Variants in THUMPD1 observed in about 807,000 individuals in gnomAD.
THUMPD1 encodes the protein THUMP domain 1 NAT10 acetyltransferase adaptor.
In THUMPD1, 31 loss-of-function variants were observed where a neutral mutation model predicts 31.6. The ratio of observed to expected loss-of-function variants is 0.98; its 90% CI spans 0.74 to 1.32. THUMPD1 has a LOEUF of 1.32. THUMPD1 is among the 40% of genes most tolerant of loss of function. The probability of loss-of-function intolerance (pLI) is 0.00; values close to 1 mark genes in which losing one functional copy is unlikely to be tolerated. For synonymous variants in THUMPD1, 166 were observed against 158.2 expected, an observed-to-expected ratio of 1.05 and a Z score of -0.37; for missense variants, 446 against 427.8, an observed-to-expected ratio of 1.04 and a Z score of -0.38.
rs1302428219 is a variant in THUMPD1, at chr16:20,735,160, T to G, written c.*1720A>C. 1 of 152,234 alleles carries G rather than the reference T, an allele frequency of 6.6e-6. No individual in the cohort carries two copies. Among genetic ancestry groups the G allele is most frequent in the Non-Finnish European group, 1.5e-5 (1 of 68,042 alleles). The allele number at this position is 152,234 out of a possible 1,614,324, so 9.4% of individuals were successfully genotyped here. On this transcript the variant is annotated 3_prime_UTR_variant, in exon 4 of 4. Coordinates refer to ENST00000396083, the MANE Select transcript of THUMPD1 (RefSeq NM_017736.5). ...ACCTTTCAGAGACTTGTCCATTTGT[T>G]CATGTGATGAAAAACGTCTGCAAAA...
chr16:20,741,511 T>C lies in THUMPD1; in HGVS notation c.229A>G (p.Lys77Glu). The C allele has an allele frequency of 8.2e-6, 5 of 606,534 alleles. No individual in the cohort carries two copies. The highest frequency in any genetic ancestry group is 1.3e-5 in the Non-Finnish European group (5 of 384,228). 37.6% of individuals were successfully genotyped at this position (606,534 alleles called of 1,614,324 possible). A position where few individuals can be genotyped will look rare whatever the true frequency, so the allele number is the denominator to read the frequency against. ...EYGDDMYGPE[K>E]FTDKDQQPSG... ...CCCGCCCACCCCGGGACCGGTACCT[T>C]TTCTGGCCCATACATGTCGTCGCCG... The change falls in exon 1 of 4, where the codon AAG becomes GAG. Residue 77 changes from lysine (K) to glutamate (E), a missense_variant and splice_region_variant. Coordinates refer to ENST00000396083, the MANE Select transcript of THUMPD1 (RefSeq NM_017736.5).
intron 1 of THUMPD1, 28 bp downstream of exon 1, chr16:20,741,481 G>GGGGGGGGGGGGGGCCCCCCCCCCCCCCC: frequency 7.6e-7 from 1 of 1,308,414 alleles, no homozygotes; most frequent in Non-Finnish European, 9.9e-7. Context: ...CTGGCAGCCG[G>GGGGGGGGGGGGGGCCCCCCCCCCCCCCC]CCCGCCCGCC....
Position 20,734,374 on chromosome 16 carries a change from G to A in THUMPD1, c.*2506C>T, listed in dbSNP as rs1299746013. The A allele has an allele frequency of 1.3e-5, 2 of 152,502 alleles. No individual in the cohort carries two copies. The highest frequency in any genetic ancestry group is 2.9e-5 in the Non-Finnish European group (2 of 68,010). 9.4% of individuals were successfully genotyped at this position (152,502 alleles called of 1,614,324 possible). A position where few individuals can be genotyped will look rare whatever the true frequency, so the allele number is the denominator to read the frequency against. ...ATAATCCTCTTATCAATCATTGCAAGGTAACTTCAATGTCATTAAGTATTA... is the reference window on the plus strand; with the variant it reads ...ATAATCCTCTTATCAATCATTGCAAAGTAACTTCAATGTCATTAAGTATTA... On this transcript the variant is annotated 3_prime_UTR_variant, in exon 4 of 4. Coordinates refer to ENST00000396083, the MANE Select transcript of THUMPD1 (RefSeq NM_017736.5).
At chr16:20,741,392 C>A (rs1005534659) in intron 1 of THUMPD1, 117 bp downstream of exon 1, 22 of 1,296,046 alleles carry the variant, frequency 1.7e-5, no homozygotes, top group Non-Finnish European at 2.2e-5. Context: ...CACGCCCCTA[C>A]AGCCGTCACG....
At chr16:20,738,740 C>T in intron 2 of THUMPD1, 157 bp downstream of exon 2, 1 of 798,206 alleles carries the variant, frequency 1.3e-6, no homozygotes, top group Non-Finnish European at 2.0e-6. Context: ...CCCCATTCTA[C>T]CTCTCCACAG....
Position 20,737,714 on chromosome 16 carries a change from A to G in THUMPD1, c.649T>C (p.Leu217=). 1 of 1,605,582 alleles carries G rather than the reference A, an allele frequency of 6.2e-7. No homozygotes were observed. Among genetic ancestry groups the G allele is most frequent in the Non-Finnish European group, 8.5e-7 (1 of 1,175,768 alleles). Residue 217 remains leucine, a synonymous_variant, in exon 3 of 4, where the codon TTG becomes CTG. Coordinates refer to ENST00000396083, the MANE Select transcript of THUMPD1 (RefSeq NM_017736.5). The part of the protein sequence containing the change: ...HVNREEVIRE[L]AGIVCTLNSE... ...ATCACTAAGAGAAACATACCTGCCA[A>G]TTCTCTGATAACTTCTTCTCTATTC... is the stretch of plus-strand genomic sequence containing the variant.
rs893286389 is a variant in THUMPD1 at position 20,735,383 on chromosome 16, T to C, written c.*1497A>G. The C allele has an allele frequency of 1.4e-4, 21 of 152,020 alleles. No homozygotes were observed. Among genetic ancestry groups the C allele is most frequent in the African/African-American group, 5.1e-4 (21 of 41,516 alleles). The allele number at this position is 152,020 out of a possible 1,614,324, so 9.4% of individuals were successfully genotyped here. On this transcript the variant is annotated 3_prime_UTR_variant, in exon 4 of 4. Coordinates refer to ENST00000396083, the MANE Select transcript of THUMPD1 (RefSeq NM_017736.5). The stretch of plus-strand genomic sequence containing the variant: ...CAGGTTTTTGTTTTGGGTGTTTTTT[T>C]TTTTTTTTAACATTTTTGCATAAAT...
chr16:20,739,432 A>G (rs2079898885), intron 1 of THUMPD1, among the ~76,000 whole-genome samples: 1 of 152,052 alleles, frequency 6.6e-6, no homozygotes, highest in Admixed American at 6.5e-5. Context: ...CAGCCTCCCA[A>G]AGTGCTGGGA....
At chr16:20,738,279 C>T (rs1354492275) in intron 2 of THUMPD1, 5 of 417,832 alleles carry the variant, frequency 1.2e-5, no homozygotes, top group African/African-American at 2.5e-5. Flanking sequence ...CCTGTAACAA[C>T]AGAGTACATT....
At chr16:20,738,032 G>A (rs2079885882) in intron 2 of THUMPD1, 76 bp from the exon 3 acceptor site, 3 of 1,332,728 alleles carry the variant, frequency 2.3e-6, no homozygotes, top group Admixed American at 4.4e-5. Context: ...AATTTTCACT[G>A]GCAATGACAT....
At position 20,736,558 on chromosome 16, in the gene THUMPD1, G is replaced by A; in HGVS notation, c.*322C>T. On this transcript the variant is annotated 3_prime_UTR_variant, in exon 4 of 4. Coordinates refer to ENST00000396083, the MANE Select transcript of THUMPD1 (RefSeq NM_017736.5). ...TTCCTTAGAATGAAAACTTCCCTCT[G>A]ATTTTCTACTTCACAGGTAGTTCAC... is the stretch of plus-strand genomic sequence containing the variant. The A allele has an allele frequency of 4.1e-6, 1 of 244,734 alleles. No homozygotes were observed. The highest frequency in any genetic ancestry group is 1.4e-3 in the Middle Eastern group (1 of 706). 15.2% of individuals were successfully genotyped at this position (244,734 alleles called of 1,614,324 possible).
At position 20,737,353 on chromosome 16, in the gene THUMPD1, C is replaced by T; in HGVS notation, c.656-67G>A. The T allele has an allele frequency of 2.0e-6, 3 of 1,478,778 alleles. No individual in the cohort carries two copies. In the South Asian group the frequency reaches 4.1e-5, roughly 20 times the overall value. The allele number at this position is 1,478,778 out of a possible 1,614,324, so 91.6% of individuals were successfully genotyped here. A position where few individuals can be genotyped will look rare whatever the true frequency, so the allele number is the denominator to read the frequency against. ...ATTACATCTGATAGATACAAAAAATCTTTTGTCTCTGTTTCTTGTTAAAAC... is the reference window on the plus strand; with the variant it reads ...ATTACATCTGATAGATACAAAAAATTTTTTGTCTCTGTTTCTTGTTAAAAC... On this transcript the variant is annotated intron_variant, in intron 3 of 3. Transcript: ENST00000396083.
Position 20,741,568 on chromosome 16 carries a change from C to A in THUMPD1, c.172G>T (p.Val58Leu). Residue 58 changes from valine (V) to leucine (L), a missense_variant, in exon 1 of 4, where the codon GTG becomes TTG. Physicochemically the swap from Val to Leu is conservative, Grantham distance 32. Transcript: ENST00000396083. ...TTGAGGAGGCTGTAGGCCTCCTCCACGCACTTGCGCTCGTTCATATTGCAG... is the reference window on the plus strand; with the variant it reads ...TTGAGGAGGCTGTAGGCCTCCTCCAAGCACTTGCGCTCGTTCATATTGCAG... ...ITCNMNERKC[V>L]EEAYSLLNEY... 1 of 1,581,702 alleles carries A rather than the reference C, an allele frequency of 6.3e-7. No homozygotes were observed. The highest frequency in any genetic ancestry group is 8.6e-7 in the Non-Finnish European group (1 of 1,164,382).
rs2079882580 is a variant in THUMPD1, at chr16:20,737,736, A to G, written c.627T>C (p.Asn209=). The part of the protein sequence containing the change: ...VYKSRNNSHV[N]REEVIRELAG... ...CCAATTCTCTGATAACTTCTTCTCT[A>G]TTCACATGACTGTTATTTCGAGATT... Residue 209 remains asparagine (N), a synonymous_variant, in exon 3 of 4, where the codon AAT becomes AAC. Transcript: ENST00000396083. 6.2e-7 allele frequency: 1 copy of G among 1,613,470 alleles called. No homozygotes were observed. Among genetic ancestry groups the G allele is most frequent in the Non-Finnish European group, 8.5e-7 (1 of 1,179,762 alleles).
chr16:20,741,580 C>T lies in THUMPD1; in HGVS notation c.160G>A (p.Glu54Lys), dbSNP rs542662713. The change falls in exon 1 of 4, where the codon GAG (glutamate) becomes AAG (lysine). Residue 54 changes from glutamate (E) to lysine (K), a missense_variant. Physicochemically the swap from Glu to Lys is moderately conservative, Grantham distance 56 (BLOSUM62 1). Coordinates refer to ENST00000396083, the MANE Select transcript of THUMPD1 (RefSeq NM_017736.5). ...QGILITCNMN[E>K]RKCVEEAYSL... The stretch of plus-strand genomic sequence containing the variant: ...TAGGCCTCCTCCACGCACTTGCGCT[C>T]GTTCATATTGCAGGTGATGAGGATG... The T allele has an allele frequency of 6.3e-6, 10 of 1,578,606 alleles. No individual in the cohort carries two copies. The highest frequency in any genetic ancestry group is 2.3e-5 in the East Asian group (1 of 42,660).
chr16:20,741,507 A>C lies in THUMPD1; in HGVS notation c.231+2T>G. ...CCCGCCCGCCCACCCCGGGACCGGT[A>C]CCTTTTCTGGCCCATACATGTCGTC... On this transcript the variant is annotated splice_donor_variant, in intron 1 of 3. Transcript: ENST00000396083. LOFTEE classifies it high-confidence loss of function. The C allele has an allele frequency of 7.8e-6, 3 of 382,838 alleles. No homozygotes were observed. Among genetic ancestry groups the C allele is most frequent in the Admixed American group, 4.7e-5 (1 of 21,340 alleles). 23.7% of individuals were successfully genotyped at this position (382,838 alleles called of 1,614,324 possible). A position where few individuals can be genotyped will look rare whatever the true frequency, so the allele number is the denominator to read the frequency against.
At chr16:20,739,175 G>T in intron 1 of THUMPD1, 104 bp from the exon 2 acceptor site, 2 of 1,066,112 alleles carry the variant, frequency 1.9e-6, no homozygotes, top group Non-Finnish European at 1.3e-6. Context: ...GCTCAGTATT[G>T]ATTTTTTTTT....
intron 1 of THUMPD1, among the ~76,000 whole-genome samples, chr16:20,740,399 C>CA (rs1352840207): frequency 2.0e-5 from 3 of 152,094 alleles, no homozygotes; most frequent in African/African-American, 4.8e-5. Flanking sequence ...AGACCGCTTC[C>CA]AAAAAAAGAA....
Position 20,741,664 on chromosome 16 carries a change from T to C in THUMPD1, c.76A>G (p.Lys26Glu). The C allele has an allele frequency of 1.9e-6, 3 of 1,584,208 alleles. No homozygotes were observed. The highest frequency in any genetic ancestry group is 2.6e-6 in the Non-Finnish European group (3 of 1,165,510). ...CCAGCGTCGCAGCGCCGAGCGCGCT[T>C]GGCCAGCACATACTGAGCCTTGCCT... is the stretch of plus-strand genomic sequence containing the variant. ...RKGKAQYVLA[K>E]RARRCDAGGP... The change falls in exon 1 of 4, where the codon AAG becomes GAG. Residue 26 changes from lysine (K) to glutamate (E), a missense_variant. Lys to Glu is a moderately conservative substitution (Grantham distance 56). Coordinates refer to ENST00000396083, the MANE Select transcript of THUMPD1 (RefSeq NM_017736.5).
Sources: gnomAD v4.1 joint callset for allele counts (sites outside exome capture counted in the v4.1 genomes callset) on GRCh38, gnomAD v4.1.1 for gene constraint, MANE v1.5 for transcripts, NCBI Gene and HGNC (gene_info 2026-07-23, HGNC 2026-07-21) for gene names.